The following PRDM16 variants were observed in gnomAD, a reference collection of about 807,000 sequenced individuals.
PRDM16 encodes the protein histone-lysine N-methyltransferase PRDM16.
A neutral mutation model predicts 110.6 loss-of-function variants in PRDM16; 23 were observed. That is an observed-to-expected ratio of 0.21 (90% CI 0.15 to 0.29). The LOEUF (loss-of-function observed/expected upper bound fraction) is 0.29, where lower values mean the gene tolerates loss of function less well. Among genes scored for constraint, PRDM16 ranks in the 10% least tolerant of loss-of-function variants. The probability of loss-of-function intolerance (pLI) is 1.00; values close to 1 mark genes in which losing one functional copy is unlikely to be tolerated. For missense variants in PRDM16, 1,615 were observed against 1,794.3 expected, an observed-to-expected ratio of 0.90 and a Z score of 1.81; for synonymous variants, 799 against 781.8, an observed-to-expected ratio of 1.02 and a Z score of -0.37.
chr1:3,251,678 G>C (rs1639935950), intron 3 of PRDM16, among the ~76,000 whole-genome samples: 1 of 152,176 alleles, frequency 6.6e-6, no homozygotes, highest in Non-Finnish European at 1.5e-5. Flanking sequence ...AGGGTGCAAG[G>C]GGAGGCCGTG....
intron 3 of PRDM16, among the ~76,000 whole-genome samples, chr1:3,364,123 C>A (rs1642767350): frequency 6.6e-6 from 1 of 152,170 alleles, no homozygotes; most frequent in Non-Finnish European, 1.5e-5. Flanking sequence ...TGCTACGCAG[C>A]CTCAGTCCTC....
chr1:3,180,423 G>A (rs79028998), intron 1 of PRDM16, among the ~76,000 whole-genome samples: 5 of 152,092 alleles, frequency 3.3e-5, no homozygotes, highest in East Asian at 3.9e-4. Flanking sequence ...GAAACGCCGC[G>A]TAGAGGCCAG....
At chr1:3,399,356 C>T (rs1643431792) in intron 5 of PRDM16, among the ~76,000 whole-genome samples, 1 of 152,184 alleles carries the variant, frequency 6.6e-6, no homozygotes, top group Non-Finnish European at 1.5e-5. Context: ...TTCTTTAAAG[C>T]AGAAGTTTCT....
chr1:3,273,701 T>C (rs1239050016), intron 3 of PRDM16, among the ~76,000 whole-genome samples: 2 of 151,506 alleles, frequency 1.3e-5, no homozygotes, highest in African/African-American at 4.9e-5. Context: ...GGCAGGTGTG[T>C]GTGCATGGGT....
intron 1 of PRDM16, among the ~76,000 whole-genome samples, chr1:3,071,311 G>A (rs1267271652): frequency 6.6e-6 from 1 of 152,274 alleles, no homozygotes; most frequent in African/African-American, 2.4e-5. Flanking sequence ...GTCCGCTCAG[G>A]ACCAGAAGTG....
rs2100575720 is a variant in PRDM16 at position 3,080,095 on chromosome 1, T to G, written c.37+10799T>G. On this transcript the variant is annotated intron_variant, in intron 1 of 16. Coordinates refer to ENST00000270722, the MANE Select transcript of PRDM16 (RefSeq NM_022114.4). This position sits in a 1 kb window ranked among gnomAD's most constrained non-coding sequence, Gnocchi z 5.2. ...ATCTGGAGCACTTTTCCGCACGCTG[T>G]AACCCCTGAGAAGAAACAAAGAGGA... 6.6e-6 allele frequency among the ~76,000 whole-genome samples: 1 copy of G among 152,360 alleles called. No individual in the cohort carries two copies. The highest frequency in any genetic ancestry group is 6.5e-5 in the Admixed American group (1 of 15,298).
rs560700809 is a variant in PRDM16 at position 3,378,602 on chromosome 1, C to T, written c.439-6550C>T. Among the ~76,000 whole-genome samples the T allele has an allele frequency of 2.0e-5, 3 of 152,240 alleles. No individual in the cohort carries two copies. The South Asian group carries it at 6.2e-4, about 32-fold the overall frequency. ...CATGGGGCAGCAACACCGTACCCAC[C>T]TCATAGGCCCGCGGCGATGAGCGAG... is the stretch of plus-strand genomic sequence containing the variant. On this transcript the variant is annotated intron_variant, in intron 3 of 16. Transcript: ENST00000270722.
chr1:3,316,148 T>TGGGG (rs1049621258), intron 3 of PRDM16, among the ~76,000 whole-genome samples: 1 of 9,236 alleles, frequency 1.1e-4, no homozygotes, highest in Non-Finnish European at 2.0e-4. Flanking sequence ...TGAGGGCGGG[T>TGGGG]GGGGGCGGGA....
rs1444745552 is a variant in PRDM16 at position 3,426,031 on chromosome 1, A to G, written c.3110-20A>G. 6.2e-7 allele frequency: 1 copy of G among 1,600,240 alleles called. No homozygotes were observed. Among genetic ancestry groups the G allele is most frequent in the African/African-American group, 1.3e-5 (1 of 74,348 alleles). On this transcript the variant is annotated intron_variant, in intron 13 of 16. Coordinates refer to ENST00000270722, the MANE Select transcript of PRDM16 (RefSeq NM_022114.4). Reference sequence around the variant, plus strand: ...GGGTCCAGCGAGAGGCCGCCCCCTGATGCTCCCGCCCCTCCGCAGTGAGCC... The same window carrying G: ...GGGTCCAGCGAGAGGCCGCCCCCTGGTGCTCCCGCCCCTCCGCAGTGAGCC...
chr1:3,351,969 C>G (rs1030679674), intron 3 of PRDM16, among the ~76,000 whole-genome samples: 1 of 151,866 alleles, frequency 6.6e-6, no homozygotes, highest in African/African-American at 2.4e-5. Flanking sequence ...CGCCCAGACC[C>G]TCCAGAGACC....
Position 3,414,350 on chromosome 1 carries a change from C to T in PRDM16, c.2604-210C>T, listed in dbSNP as rs535303325. Among the ~76,000 whole-genome samples, 7 of 152,226 alleles carry T rather than the reference C, an allele frequency of 4.6e-5. No homozygotes were observed. In the East Asian group the frequency reaches 1.4e-3, roughly 29 times the overall value. On this transcript the variant is annotated intron_variant, in intron 9 of 16. Coordinates refer to ENST00000270722, the MANE Select transcript of PRDM16 (RefSeq NM_022114.4). ...GGGGCAGGTGGTGACAGGGAGGGTC[C>T]GTCTAGGGGTGCAGGTGGGCTGGGC...
At chr1:3,139,100 G>A (rs916203310) in intron 1 of PRDM16, among the ~76,000 whole-genome samples, 2 of 152,144 alleles carry the variant, frequency 1.3e-5, no homozygotes, top group African/African-American at 2.4e-5. Flanking sequence ...CATGACTTAC[G>A]CTTGTTGATC....
At chr1:3,388,888 A>G (rs6687463) in intron 4 of PRDM16, among the ~76,000 whole-genome samples, 91,590 of 152,120 alleles carry the variant, frequency 0.6, 28,015 homozygotes, top group African/African-American at 0.72. Context: ...GTCTGGGGGC[A>G]GACGCCACCC....
chr1:3,365,971 C>T (rs550455390), intron 3 of PRDM16, among the ~76,000 whole-genome samples: 8 of 151,868 alleles, frequency 5.3e-5, no homozygotes, highest in Non-Finnish European at 7.4e-5. Flanking sequence ...TGCACACACA[C>T]GCACACACGC....
intron 3 of PRDM16, among the ~76,000 whole-genome samples, chr1:3,292,967 G>A (rs999340811): frequency 2.0e-5 from 3 of 152,210 alleles, no homozygotes; most frequent in South Asian, 4.1e-4. Context: ...GAGGCACTCC[G>A]CTCCGGGCAT....
chr1:3,417,743 G>A (rs2100675588), intron 10 of PRDM16, 85 bp from the exon 11 acceptor site: 3 of 1,174,932 alleles, frequency 2.6e-6, no homozygotes, highest in South Asian at 1.2e-5. Context: ...AAGATATGCT[G>A]TTGTACAGAA....
intron 1 of PRDM16, among the ~76,000 whole-genome samples, chr1:3,109,693 C>T (rs891472399): frequency 2.5e-4 from 38 of 152,214 alleles, no homozygotes; most frequent in Non-Finnish European, 1.9e-4. Flanking sequence ...AGGGGAATTT[C>T]CATCCCGTCT....
At chr1:3,108,561 C>G (rs1179981733) in intron 1 of PRDM16, among the ~76,000 whole-genome samples, 1 of 152,242 alleles carries the variant, frequency 6.6e-6, no homozygotes, top group Non-Finnish European at 1.5e-5. Flanking sequence ...GTGCCTGACA[C>G]AGCTATTGGA....
At chr1:3,344,855 G>A (rs1642332707) in intron 3 of PRDM16, among the ~76,000 whole-genome samples, 1 of 152,250 alleles carries the variant, frequency 6.6e-6, no homozygotes. Context: ...GCTCTTCTAA[G>A]TTGATGGGAC....
Sources: gnomAD v4.1 joint callset for allele counts (sites outside exome capture counted in the v4.1 genomes callset) on GRCh38, gnomAD v4.1.1 for gene constraint, Gnocchi (gnomAD v3.1) non-coding constraint, MANE v1.5 for transcripts, NCBI Gene and HGNC (gene_info 2026-07-23, HGNC 2026-07-21) for gene names.